The following STAB2 variants were observed in gnomAD, a reference collection of about 807,000 sequenced individuals.
STAB2 encodes the protein stabilin 2.
In STAB2, 288 loss-of-function variants were observed where a neutral mutation model predicts 338.1. The ratio of observed to expected loss-of-function variants is 0.85; its 90% CI spans 0.77 to 0.94. STAB2 has a LOEUF of 0.94. Ranked by LOEUF, STAB2 falls within the 40% of genes least tolerant of loss-of-function variation. STAB2 has a pLI of 0.00. For synonymous variants in STAB2, 1,202 were observed against 1,193.3 expected, an observed-to-expected ratio of 1.01 and a Z score of -0.15; for missense variants, 3,141 against 3,210.1, an observed-to-expected ratio of 0.98 and a Z score of 0.52.
In STAB2 at chr12:103,690,406, T is replaced by C; in HGVS notation, c.3183-18T>C. ...TACATTTATATTGAATTATAGCCTT[T>C]GTGGACTATTGTTTCAGGTACCATA... is the stretch of plus-strand genomic sequence containing the variant. On this transcript the variant is annotated intron_variant, in intron 29 of 68. Coordinates refer to ENST00000388887, the MANE Select transcript of STAB2 (RefSeq NM_017564.10). The C allele has an allele frequency of 1.3e-6, 2 of 1,586,624 alleles. No homozygotes were observed. Among genetic ancestry groups the C allele is most frequent in the Non-Finnish European group, 1.7e-6 (2 of 1,156,488 alleles).
intron 44 of STAB2, among the ~76,000 whole-genome samples, chr12:103,724,271 G>A (rs911283721): frequency 2.0e-5 from 3 of 152,192 alleles, no homozygotes; most frequent in Non-Finnish European, 4.4e-5. Flanking sequence ...TTCACTTGAG[G>A]GGCATAGGAA....
At chr12:103,693,046 G>A (rs146368843) in intron 31 of STAB2, among the ~76,000 whole-genome samples, 157 bp downstream of exon 31, 88 of 152,122 alleles carry the variant, frequency 5.8e-4, no homozygotes, top group African/African-American at 2.1e-3. Flanking sequence ...ACCATCAAGA[G>A]AGTCTATTGA....
chr12:103,619,755 C>CA (rs772731009), intron 3 of STAB2, among the ~76,000 whole-genome samples: 36 of 147,158 alleles, frequency 2.4e-4, no homozygotes, highest in African/African-American at 8.0e-4. Flanking sequence ...CAACGCCCCC[C>CA]GCCCCCGCCA....
chr12:103,598,559 G>T (rs968639164), intron 3 of STAB2, among the ~76,000 whole-genome samples: 6 of 152,160 alleles, frequency 3.9e-5, no homozygotes, highest in African/African-American at 1.4e-4. Context: ...TGCTAAGAAT[G>T]TCAATTTTAC....
chr12:103,660,706 C>T lies in STAB2; in HGVS notation c.1812C>T (p.Ser604=), dbSNP rs748463325. 3.1e-6 allele frequency: 5 copies of T among 1,614,050 alleles called. No individual in the cohort carries two copies. The highest frequency in any genetic ancestry group is 4.2e-6 in the Non-Finnish European group (5 of 1,180,000). The part of the protein sequence containing the change: ...FTQLEVATLI[S]TPHIRSMANQ... ...AGCTTGAAGTGGCCACTCTCATCTC[C>T]ACCCCTCACATCAGGAGCATGGCCA... The change falls in exon 17 of 69, where the codon TCC becomes TCT. Residue 604 remains serine, a synonymous_variant. Coordinates refer to ENST00000388887, the MANE Select transcript of STAB2 (RefSeq NM_017564.10).
chr12:103,690,501 T>G lies in STAB2; in HGVS notation c.3260T>G (p.Leu1087Trp), dbSNP rs1014098965. The change falls in exon 30 of 69, where the codon TTG (leucine) becomes TGG (tryptophan). Residue 1087 changes from leucine (L) to tryptophan (W), a missense_variant. Coordinates refer to ENST00000388887, the MANE Select transcript of STAB2 (RefSeq NM_017564.10). Reference sequence around the variant, plus strand: ...TCTTCTGACATGTTGGCAACATCTTTGCAGGGCAACTTCCTTCACTTGGCA... The same window carrying G: ...TCTTCTGACATGTTGGCAACATCTTGGCAGGGCAACTTCCTTCACTTGGCA... ...LSSSDMLATS[L>W]QGNFLHLAKV... is the part of the protein sequence containing the mutation. 1.2e-6 allele frequency: 2 copies of G among 1,614,016 alleles called. No homozygotes were observed. Among genetic ancestry groups the G allele is most frequent in the African/African-American group, 2.7e-5 (2 of 74,944 alleles).
chr12:103,762,491 A>C, intron 67 of STAB2, 89 bp downstream of exon 67: 1 of 1,591,984 alleles, frequency 6.3e-7, no homozygotes, highest in Non-Finnish European at 8.6e-7. Flanking sequence ...TGGCTGCGCC[A>C]GAGTCCTCAC....
At chr12:103,698,460 A>G (rs952739214) in intron 33 of STAB2, among the ~76,000 whole-genome samples, 5 of 152,116 alleles carry the variant, frequency 3.3e-5, no homozygotes, top group Non-Finnish European at 5.9e-5. Flanking sequence ...CCCTAAAACC[A>G]CAGAGCCCAC....
At chr12:103,756,850 C>A (rs1273884321) in intron 63 of STAB2, among the ~76,000 whole-genome samples, 1 of 151,958 alleles carries the variant, frequency 6.6e-6, no homozygotes, top group Non-Finnish European at 1.5e-5. Context: ...CCATTAAATA[C>A]ACTAGAGATG....
At chr12:103,740,136 A>T (rs1442918270) in intron 54 of STAB2, among the ~76,000 whole-genome samples, 8 of 152,236 alleles carry the variant, frequency 5.3e-5, no homozygotes, top group Non-Finnish European at 1.0e-4. Context: ...GGTACACTGA[A>T]GTGCCTGGCA....
At chr12:103,605,091 T>C (rs1324205429) in intron 3 of STAB2, among the ~76,000 whole-genome samples, 2 of 151,974 alleles carry the variant, frequency 1.3e-5, no homozygotes, top group Non-Finnish European at 2.9e-5. Flanking sequence ...CTTGATTTAT[T>C]CTTTGAAATC....
intron 30 of STAB2, among the ~76,000 whole-genome samples, chr12:103,691,905 G>A: frequency 7.0e-6 from 1 of 143,298 alleles, no homozygotes; most frequent in East Asian, 2.1e-4. Context: ...TTGATTGGTG[G>A]CTGAGTGGGT....
At chr12:103,724,914 G>C in intron 44 of STAB2, 61 bp from the exon 45 acceptor site, 3 of 1,585,608 alleles carry the variant, frequency 1.9e-6, no homozygotes, top group Non-Finnish European at 1.7e-6. Flanking sequence ...TGTAAATATC[G>C]GTAGAGCTGG....
chr12:103,674,585 A>C (rs1876154355), intron 23 of STAB2, among the ~76,000 whole-genome samples: 1 of 152,210 alleles, frequency 6.6e-6, no homozygotes, highest in Non-Finnish European at 1.5e-5. Flanking sequence ...TGTTAAAGGC[A>C]TCTTGCAGGA....
At position 103,762,088 on chromosome 12, in the gene STAB2, T is replaced by C. The variant is rs566689083; in HGVS notation, c.7360-186T>C. 2.6e-5 allele frequency among the ~76,000 whole-genome samples: 4 copies of C among 152,332 alleles called. No homozygotes were observed. The East Asian group carries it at 7.7e-4, about 29-fold the overall frequency. On this transcript the variant is annotated intron_variant, in intron 66 of 68. Transcript: ENST00000388887. ...AACTCTCCCTATCTCTTTGGGTTAT[T>C]ATCACACTTCAATGGGTTATTTCAC...
intron 56 of STAB2, among the ~76,000 whole-genome samples, chr12:103,743,163 C>T (rs1301143777): frequency 6.6e-6 from 1 of 151,826 alleles, no homozygotes; most frequent in East Asian, 1.9e-4. Flanking sequence ...GCTGGGATTA[C>T]AGGCGCCCGC....
intron 44 of STAB2, among the ~76,000 whole-genome samples, chr12:103,721,667 TAG>T (rs1880775974): frequency 6.6e-6 from 1 of 152,194 alleles, no homozygotes; most frequent in South Asian, 2.1e-4. Flanking sequence ...GTGGTATGAC[TAG>T]AGCTATAGCA....
At chr12:103,709,174 C>T (rs563190256) in intron 39 of STAB2, among the ~76,000 whole-genome samples, 2 of 152,290 alleles carry the variant, frequency 1.3e-5, no homozygotes, top group Admixed American at 1.3e-4. Flanking sequence ...TCTTAATGTG[C>T]TTCAGGTGAG....
chr12:103,634,107 C>CT (rs1156239121), intron 6 of STAB2, among the ~76,000 whole-genome samples: 1 of 152,184 alleles, frequency 6.6e-6, no homozygotes, highest in African/African-American at 2.4e-5. Context: ...GTGGTACATC[C>CT]TATACTAGTT....
Sources: gnomAD v4.1 joint callset for allele counts (sites outside exome capture counted in the v4.1 genomes callset) on GRCh38, gnomAD v4.1.1 for gene constraint, MANE v1.5 for transcripts, NCBI Gene and HGNC (gene_info 2026-07-23, HGNC 2026-07-21) for gene names.